The following HEATR5A variants were observed in gnomAD, a reference collection of about 807,000 sequenced individuals.
HEATR5A encodes the protein HEAT repeat-containing protein 5A.
In HEATR5A, 178 loss-of-function variants were observed where a neutral mutation model predicts 218.8. That is an observed-to-expected ratio of 0.81 (90% confidence interval 0.72 to 0.92). The LOEUF (loss-of-function observed/expected upper bound fraction) is 0.92. Among genes scored for constraint, HEATR5A ranks in the 40% least tolerant of loss-of-function variants. HEATR5A has a pLI of 0.00. For missense variants in HEATR5A, 2,420 were observed against 2,418.9 expected (o/e 1.00, Z -0.01); for synonymous variants, 864 against 871.6 (o/e 0.99, Z 0.15).
chr14:31,320,341 G>C (rs1246417125), intron 25 of HEATR5A: 25 of 829,630 alleles, frequency 3.0e-5, no homozygotes, highest in Non-Finnish European at 5.3e-5. Context: ...ACAGCTTCCT[G>C]GCATAGACAA....
At chr14:31,399,535 A>G (rs573788482) in intron 3 of HEATR5A, among the ~76,000 whole-genome samples, 14 of 152,338 alleles carry the variant, frequency 9.2e-5, no homozygotes, top group Middle Eastern at 3.4e-3. Flanking sequence ...ACTTTATAGA[A>G]TTATGACATG....
At position 31,340,339 on chromosome 14, in the gene HEATR5A, C is replaced by T. The variant is rs184231410; in HGVS notation, c.3229-2725G>A. ...CATACTGGACTTAGCATTAATGGTTCGCTTAAAAAAAGAGATGCAGAGGAA... is the reference window on the plus strand; with the variant it reads ...CATACTGGACTTAGCATTAATGGTTTGCTTAAAAAAAGAGATGCAGAGGAA... On this transcript the variant is annotated intron_variant, in intron 21 of 35. Coordinates refer to ENST00000543095, the MANE Select transcript of HEATR5A (RefSeq NM_015473.4). 2.7e-4 allele frequency: 139 copies of T among 509,496 alleles called. 2 individuals are homozygous for T. The highest frequency in any genetic ancestry group is 2.3e-3 in the Admixed American group (71 of 31,446). The allele number at this position is 509,496 out of a possible 1,614,324, so 31.6% of individuals were successfully genotyped here.
At chr14:31,366,098 T>C (rs1901792530) in intron 13 of HEATR5A, among the ~76,000 whole-genome samples, 1 of 152,128 alleles carries the variant, frequency 6.6e-6, no homozygotes, top group Non-Finnish European at 1.5e-5. Context: ...AAATACTACT[T>C]AGCAAACATA....
rs1899412992 is a variant in HEATR5A, at chr14:31,302,412, G to A, written c.5347C>T (p.Leu1783=). The A allele has an allele frequency of 6.2e-7, 1 of 1,600,164 alleles. No individual in the cohort carries two copies. The highest frequency in any genetic ancestry group is 8.5e-7 in the Non-Finnish European group (1 of 1,172,996). ...GATAATATTCCTTTTAGAGCCTGTA[G>A]GGAAGCTGCAACTGTCGAAGATAAC... The part of the protein sequence containing the change: ...GQLSSTVAAS[L]QALKGILSSP... Residue 1783 remains leucine, a synonymous_variant, in exon 33 of 36, where the codon CTA becomes TTA. Transcript: ENST00000543095.
At chr14:31,295,828 G>A in intron 34 of HEATR5A, 81 bp downstream of exon 34, 2 of 1,126,318 alleles carry the variant, frequency 1.8e-6, no homozygotes, top group Non-Finnish European at 2.6e-6. Context: ...TCCTATTGGA[G>A]CCAACAAAAT....
chr14:31,325,484 ATATG>A lies in HEATR5A; in HGVS notation c.3547+675_3547+678del, dbSNP rs543647892. 3.9e-3 allele frequency among the ~76,000 whole-genome samples: 552 copies of A among 142,258 alleles called. 1 individual carries two copies. The highest frequency in any genetic ancestry group is 0.016 in the East Asian group (83 of 5,122). 93.3% of individuals were successfully genotyped at this position (142,258 alleles called of 152,430 possible). A position where few individuals can be genotyped will look rare whatever the true frequency, so the allele number is the denominator to read the frequency against. On this transcript the variant is annotated intron_variant, in intron 23 of 35. Transcript: ENST00000543095. ...AGGGGTGGGGTGGGTATGTATGAAC[ATATG>A]TATGTATGTATGTATGTATGTATGT... is the stretch of plus-strand genomic sequence containing the variant.
chr14:31,293,705 TAAAGA>T (rs957464782), intron 35 of HEATR5A, 93 bp from the exon 36 acceptor site: 15 of 1,247,102 alleles, frequency 1.2e-5, no homozygotes, highest in East Asian at 7.6e-5. Context: ...TTTTCCCCAC[TAAAGA>T]AAACAATTCG....
At position 31,323,827 on chromosome 14, in the gene HEATR5A, G is replaced by A. The variant is rs1420866912; in HGVS notation, c.3548-23C>T. On this transcript the variant is annotated intron_variant, in intron 23 of 35. Coordinates refer to ENST00000543095, the MANE Select transcript of HEATR5A (RefSeq NM_015473.4). Reference sequence around the variant, plus strand: ...AATCTTTTATTAAAGGAGAACATATGTAATTATAATCAACTGAAAGATATA... The same window carrying A: ...AATCTTTTATTAAAGGAGAACATATATAATTATAATCAACTGAAAGATATA... 3 of 1,468,498 alleles carry A rather than the reference G, an allele frequency of 2.0e-6. No homozygotes were observed. In the African/African-American group the frequency reaches 4.4e-5, roughly 22 times the overall value. The allele number at this position is 1,468,498 out of a possible 1,614,324, so 91.0% of individuals were successfully genotyped here.
chr14:31,311,060 ACC>A (rs1189823774), intron 28 of HEATR5A, among the ~76,000 whole-genome samples: 6 of 150,606 alleles, frequency 4.0e-5, no homozygotes, highest in Non-Finnish European at 7.4e-5. Context: ...CAACCAACCA[ACC>A]AACCAACCAA....
chr14:31,313,993 G>C (rs1246733635), intron 27 of HEATR5A, among the ~76,000 whole-genome samples: 1 of 152,088 alleles, frequency 6.6e-6, no homozygotes, highest in Non-Finnish European at 1.5e-5. Context: ...TGTCACCCAG[G>C]CTGGAGTGCA....
intron 21 of HEATR5A, among the ~76,000 whole-genome samples, chr14:31,341,591 G>T (rs1455524706): frequency 6.6e-6 from 1 of 151,932 alleles, no homozygotes; most frequent in African/African-American, 2.4e-5. Context: ...TAGAGACAAG[G>T]TCTCAGTATG....
rs1187076139 is a variant in HEATR5A, at chr14:31,293,582, A to G, written c.5864T>C (p.Ile1955Thr). 7 of 1,613,076 alleles carry G rather than the reference A, an allele frequency of 4.3e-6. No individual in the cohort carries two copies. Among genetic ancestry groups the G allele is most frequent in the Non-Finnish European group, 5.9e-6 (7 of 1,179,612 alleles). ...TTCATCCAAAAGGAAGGAAATGAGGATGGGCAAAAGACAGGCCACCAGCTG... is the reference window on the plus strand; with the variant it reads ...TTCATCCAAAAGGAAGGAAATGAGGGTGGGCAAAAGACAGGCCACCAGCTG... Reference protein sequence around the residue: ...RAQLVACLLPILISFLLDENS... With the variant: ...RAQLVACLLPTLISFLLDENS... Residue 1955 changes from isoleucine to threonine, a missense_variant, in exon 36 of 36, where the codon ATC becomes ACC. By Grantham distance (89) the Ile-to-Thr change is moderately conservative (BLOSUM62 -1). Coordinates refer to ENST00000543095, the MANE Select transcript of HEATR5A (RefSeq NM_015473.4).
intron 25 of HEATR5A, among the ~76,000 whole-genome samples, chr14:31,319,926 G>T (rs1900035606): frequency 6.6e-6 from 1 of 151,990 alleles, no homozygotes; most frequent in Non-Finnish European, 1.5e-5. Context: ...TGTGGCTGTA[G>T]TTACAGCTAC....
chr14:31,402,748 G>T, intron 2 of HEATR5A, 102 bp downstream of exon 2: 2 of 1,099,102 alleles, frequency 1.8e-6, no homozygotes, highest in Non-Finnish European at 2.5e-6. Flanking sequence ...GTCTAACATT[G>T]TAAAGCTAAA....
Position 31,337,560 on chromosome 14 carries a change from G to A in HEATR5A, c.3283C>T (p.Arg1095Cys), listed in dbSNP as rs552534273. 8.8e-6 allele frequency: 14 copies of A among 1,590,388 alleles called. No individual in the cohort carries two copies. Among genetic ancestry groups the A allele is most frequent in the South Asian group, 5.7e-5 (5 of 87,202 alleles). Reference protein sequence around the residue: ...LLRRAVLACLRQLVQREAAEV... With the variant: ...LLRRAVLACLCQLVQREAAEV... ...GCTGCTTCTCTTTGTACAAGCTGAC[G>A]TAAGCAAGCCAGTACTGCTCTTCTC... The change falls in exon 22 of 36, where the codon CGT becomes TGT. Residue 1095 changes from arginine (R) to cysteine (C), a missense_variant. Physicochemically the swap from Arg to Cys is radical, Grantham distance 180. Coordinates refer to ENST00000543095, the MANE Select transcript of HEATR5A (RefSeq NM_015473.4).
intron 29 of HEATR5A, 46 bp downstream of exon 29, chr14:31,308,885 AAAC>A: frequency 2.0e-6 from 3 of 1,515,848 alleles, no homozygotes; most frequent in African/African-American, 2.8e-5. Flanking sequence ...AAAAAAAAAA[AAAC>A]AAAAAACCCC....
At position 31,383,530 on chromosome 14, in the gene HEATR5A, T is replaced by C. The variant is rs766155056; in HGVS notation, c.1587A>G (p.Gly529=). ...AGAATGAAATCATTACCTTGCCTTTTCCATGAGGAATTCCTAAAGGACAAT... is the reference window on the plus strand; with the variant it reads ...AGAATGAAATCATTACCTTGCCTTTCCCATGAGGAATTCCTAAAGGACAAT... The part of the protein sequence containing the change: ...VKHCPLGIPH[G]KGKIIMTLAE... The change falls in exon 10 of 36, where the codon GGA becomes GGG. Residue 529 remains glycine, a synonymous_variant. Transcript: ENST00000543095. 2 of 1,611,598 alleles carry C rather than the reference T, an allele frequency of 1.2e-6. No homozygotes were observed. The highest frequency in any genetic ancestry group is 1.7e-6 in the Non-Finnish European group (2 of 1,177,956).
intron 2 of HEATR5A, among the ~76,000 whole-genome samples, chr14:31,402,558 A>G (rs1464057935): frequency 6.6e-6 from 1 of 152,254 alleles, no homozygotes; most frequent in Non-Finnish European, 1.5e-5. Context: ...GATGCAGACC[A>G]TAACAAAAAC....
chr14:31,325,644 G>T (rs1900243596), intron 23 of HEATR5A, among the ~76,000 whole-genome samples: 1 of 151,954 alleles, frequency 6.6e-6, no homozygotes, highest in Admixed American at 6.6e-5. Flanking sequence ...GAGCAGCTGG[G>T]ACTACAGGTG....
Sources: allele counts gnomAD v4.1 joint callset (sites outside exome capture counted in the v4.1 genomes callset), GRCh38; gene constraint gnomAD v4.1.1; transcripts MANE v1.5; gene names NCBI Gene and HGNC (gene_info 2026-07-23, HGNC 2026-07-21).